Variants in WWOX observed in about 807,000 individuals in gnomAD.
WWOX encodes WW domain containing oxidoreductase.
WWOX carries 69 observed loss-of-function variants against 46.2 expected under a neutral mutation model. That is an observed-to-expected ratio of 1.49 (90% CI 1.23 to 1.82). WWOX has a LOEUF of 1.82. WWOX is among the 40% of genes most tolerant of loss of function. WWOX has a pLI of 0.00. For synonymous variants in WWOX, 359 were observed against 202.6 expected (o/e 1.77, Z -6.56); for missense variants, 919 against 542.6 (o/e 1.69, Z -6.89).
chr16:78,856,097 G>A (rs1197882306), intron 8 of WWOX, among the ~76,000 whole-genome samples: 2 of 152,212 alleles, frequency 1.3e-5, no homozygotes, highest in Non-Finnish European at 2.9e-5. Context: ...CAGGGAGGAT[G>A]TTTCTGGCAG....
chr16:78,722,698 G>GTTTTTTTTTT (rs56266240), intron 8 of WWOX, among the ~76,000 whole-genome samples: 1 of 116,304 alleles, frequency 8.6e-6, no homozygotes, highest in Non-Finnish European at 1.7e-5. Context: ...GTTTGTCTCT[G>GTTTTTTTTTT]TTTTTTTTTT....
At chr16:79,172,979 C>T (rs2050730580) in intron 8 of WWOX, among the ~76,000 whole-genome samples, 1 of 152,150 alleles carries the variant, frequency 6.6e-6, no homozygotes, top group Non-Finnish European at 1.5e-5. Context: ...CATGATGGTG[C>T]CACTGCACTC....
intron 8 of WWOX, among the ~76,000 whole-genome samples, chr16:79,194,850 G>A (rs868786262): frequency 1.3e-4 from 20 of 152,066 alleles, no homozygotes; most frequent in Admixed American, 4.6e-4. Context: ...AATCTACCAC[G>A]TCTAAGCAGA....
intron 8 of WWOX, among the ~76,000 whole-genome samples, chr16:78,641,996 A>G (rs2046727191): frequency 6.6e-6 from 1 of 152,162 alleles, no homozygotes; most frequent in South Asian, 2.1e-4. Context: ...TGGAAAATGC[A>G]AAGAGGGGGA....
chr16:78,478,577 AC>A (rs57253655), intron 8 of WWOX, among the ~76,000 whole-genome samples: 32,011 of 151,734 alleles, frequency 0.21, 3,678 homozygotes, highest in African/African-American at 0.29. Flanking sequence ...TTGCTGTTGC[AC>A]CCCCCACCCC....
chr16:78,948,701 T>A (rs926828580), intron 8 of WWOX, among the ~76,000 whole-genome samples: 1 of 152,076 alleles, frequency 6.6e-6, no homozygotes, highest in African/African-American at 2.4e-5. Flanking sequence ...TTGGGGCTGG[T>A]GGTAGGCAGA....
chr16:78,537,790 AG>A (rs1169201846), intron 8 of WWOX, among the ~76,000 whole-genome samples: 6 of 151,850 alleles, frequency 4.0e-5, no homozygotes, highest in Non-Finnish European at 8.8e-5. Flanking sequence ...TTTGAAAGGG[AG>A]GTAATCAGGG....
At chr16:78,889,764 T>C (rs1207887234) in intron 8 of WWOX, among the ~76,000 whole-genome samples, 2 of 152,210 alleles carry the variant, frequency 1.3e-5, no homozygotes, top group Non-Finnish European at 2.9e-5. Context: ...CTATTTTGTT[T>C]TGTTCCGCCT....
intron 8 of WWOX, among the ~76,000 whole-genome samples, chr16:78,460,836 G>T (rs554308007): frequency 6.6e-6 from 1 of 152,216 alleles, no homozygotes; most frequent in Non-Finnish European, 1.5e-5. Context: ...TTTTTAGTTT[G>T]CTCTGTTACG....
At chr16:78,526,967 C>T (rs547037677) in intron 8 of WWOX, among the ~76,000 whole-genome samples, 2 of 152,238 alleles carry the variant, frequency 1.3e-5, no homozygotes, top group Admixed American at 1.3e-4. Context: ...GAGTTCAAGA[C>T]CAGCCTGACC....
chr16:78,954,073 T>C (rs1299328574), intron 8 of WWOX, among the ~76,000 whole-genome samples: 3 of 152,236 alleles, frequency 2.0e-5, no homozygotes, highest in East Asian at 3.8e-4. Context: ...CCATATCTTA[T>C]TCAGTTCCTA....
chr16:78,274,510 T>C (rs1327731596), intron 5 of WWOX, among the ~76,000 whole-genome samples: 1 of 152,208 alleles, frequency 6.6e-6, no homozygotes, highest in African/African-American at 2.4e-5. Flanking sequence ...AATACCTTCC[T>C]TGACCTGTCC....
intron 8 of WWOX, among the ~76,000 whole-genome samples, chr16:79,000,525 C>T (rs919641924): frequency 6.6e-6 from 1 of 152,050 alleles, no homozygotes; most frequent in Non-Finnish European, 1.5e-5. Flanking sequence ...AGGACTTGGC[C>T]TGATGTTACC....
chr16:78,863,418 A>G (rs77125046), intron 8 of WWOX, among the ~76,000 whole-genome samples: 7,390 of 152,292 alleles, frequency 0.049, 241 homozygotes, highest in Non-Finnish European at 0.073. Context: ...ATCTTCTGAA[A>G]TAATATGCAG....
At chr16:78,818,678 C>G (rs780413698) in intron 8 of WWOX, among the ~76,000 whole-genome samples, 10 of 152,224 alleles carry the variant, frequency 6.6e-5, no homozygotes, top group Non-Finnish European at 1.5e-4. Flanking sequence ...CTGCAGTGAA[C>G]TAAGATGCCA....
intron 8 of WWOX, among the ~76,000 whole-genome samples, chr16:78,481,723 A>AGGTGTGTGTGTGTGTG: frequency 2.4e-5 from 1 of 41,354 alleles, no homozygotes; most frequent in Non-Finnish European, 6.8e-5. Context: ...AGGGCAAGGG[A>AGGTGTGTGTGTGTGTG]AGTGTGTGTG....
intron 8 of WWOX, among the ~76,000 whole-genome samples, chr16:78,779,732 G>A (rs537929408): frequency 1.1e-4 from 17 of 152,298 alleles, no homozygotes; most frequent in Admixed American, 5.2e-4. Context: ...TCCTAACCAG[G>A]ATGTGAGAGA....
At chr16:78,662,713 A>AG (rs1264537550) in intron 8 of WWOX, among the ~76,000 whole-genome samples, 2 of 152,274 alleles carry the variant, frequency 1.3e-5, no homozygotes, top group East Asian at 3.9e-4. Flanking sequence ...GCTGTAATTG[A>AG]GGGTGGTCAT....
In WWOX at chr16:78,606,730, T is replaced by A. The variant is rs1218772592; in HGVS notation, c.1056+173978T>A. ...CCCCAGAATTGCAGTTTTTTTTTTT[T>A]TTTTTTTTTTTTAAATAGGGGACGC... On this transcript the variant is annotated intron_variant, in intron 8 of 8. Coordinates refer to ENST00000566780, the MANE Select transcript of WWOX (RefSeq NM_016373.4). Among the ~76,000 whole-genome samples the A allele has an allele frequency of 8.0e-5, 12 of 150,636 alleles. No individual in the cohort carries two copies. In the East Asian group the frequency reaches 1.9e-3, roughly 24 times the overall value.
Sources: allele counts gnomAD v4.1 joint callset (sites outside exome capture counted in the v4.1 genomes callset), GRCh38; gene constraint gnomAD v4.1.1; transcripts MANE v1.5; gene names NCBI Gene and HGNC (gene_info 2026-07-23, HGNC 2026-07-21).